Variants in UBE2F observed in about 807,000 individuals in gnomAD.
UBE2F encodes ubiquitin conjugating enzyme E2 F (putative).
Under a neutral mutation model 29.6 loss-of-function variants are expected in UBE2F, and 5 were observed. That is an observed-to-expected ratio of 0.17 (90% confidence interval 0.09 to 0.36). UBE2F has a LOEUF of 0.36. Among genes scored for constraint, UBE2F ranks in the 10% least tolerant of loss-of-function variants. The probability of loss-of-function intolerance (pLI) is 1.00; values close to 1 mark genes in which losing one functional copy is unlikely to be tolerated. For missense variants in UBE2F, 141 were observed against 228.5 expected (o/e 0.62, Z 2.47); for synonymous variants, 66 against 81.8 (o/e 0.81, Z 1.04).
intron 9 of UBE2F, 89 bp downstream of exon 9, chr2:238,036,029 TCCA>T (rs2064700278): frequency 4.9e-6 from 6 of 1,218,764 alleles, no homozygotes; most frequent in Non-Finnish European, 7.2e-6. Flanking sequence ...GAGAAATTTA[TCCA>T]CCAAGAGAGT....
At chr2:238,023,013 G>A (rs1448663354) in intron 5 of UBE2F, among the ~76,000 whole-genome samples, 2 of 152,220 alleles carry the variant, frequency 1.3e-5, no homozygotes. Context: ...GAGGAAGGGC[G>A]AATACCCGCA....
intron 3 of UBE2F, among the ~76,000 whole-genome samples, chr2:237,993,111 C>T (rs140350124): frequency 0.026 from 4,024 of 151,930 alleles, 168 homozygotes; most frequent in African/African-American, 0.093. Context: ...CCTCAGCCTC[C>T]CAAGTAGCTG....
rs1162304454 is a variant in UBE2F, at chr2:238,022,175, C to CTTTTTT, written c.283-3161_283-3156dup. 1.9e-3 allele frequency among the ~76,000 whole-genome samples: 121 copies of CTTTTTT among 63,330 alleles called. 4 individuals are homozygous for CTTTTTT. Among genetic ancestry groups the CTTTTTT allele is most frequent in the African/African-American group, 4.6e-3 (111 of 24,014 alleles). The allele number at this position is 63,330 out of a possible 152,430, so 41.5% of individuals were successfully genotyped here. A position where few individuals can be genotyped will look rare whatever the true frequency, so the allele number is the denominator to read the frequency against. On this transcript the variant is annotated intron_variant, in intron 5 of 9. Coordinates refer to ENST00000272930, the MANE Select transcript of UBE2F (RefSeq NM_080678.3). ...ATTTCTTTTTCTTTTCTTTTCTTTTCTTTTTTTTTTTGGAGACAGAGTCTT... is the reference window on the plus strand; with the variant it reads ...ATTTCTTTTTCTTTTCTTTTCTTTTCTTTTTTTTTTTTTTTTTGGAGACAGAGTCTT...
At chr2:237,983,839 G>C (rs978700446) in intron 2 of UBE2F, among the ~76,000 whole-genome samples, 2 of 152,082 alleles carry the variant, frequency 1.3e-5, no homozygotes, top group Non-Finnish European at 2.9e-5. Context: ...CATCCCCGAT[G>C]GCTGTCCTGC....
Position 237,973,099 on chromosome 2 carries a change from G to T in UBE2F, c.-9G>T. 1 of 1,608,392 alleles carries T rather than the reference G, an allele frequency of 6.2e-7. No homozygotes were observed. Reference sequence around the variant, plus strand: ...TTCATTGCTGTCTTTCAGGGTAAAGGCAGCAGTAATGCTAACGCTAGCAAG... The same window carrying T: ...TTCATTGCTGTCTTTCAGGGTAAAGTCAGCAGTAATGCTAACGCTAGCAAG... On this transcript the variant is annotated 5_prime_UTR_variant, in exon 2 of 10. Transcript: ENST00000272930.
chr2:238,011,102 G>A (rs1050986737), intron 4 of UBE2F, among the ~76,000 whole-genome samples: 22 of 152,070 alleles, frequency 1.4e-4, no homozygotes, highest in African/African-American at 4.3e-4. Context: ...CCTGCTCTGC[G>A]ATCCATTTAT....
chr2:237,990,744 G>A (rs909445952), intron 3 of UBE2F, among the ~76,000 whole-genome samples: 1 of 150,886 alleles, frequency 6.6e-6, no homozygotes, highest in African/African-American at 2.4e-5. Flanking sequence ...CTGGGCGACA[G>A]AGTGAGACTC....
intron 2 of UBE2F, among the ~76,000 whole-genome samples, chr2:237,987,255 T>C (rs2063496894): frequency 1.3e-5 from 2 of 152,178 alleles, no homozygotes; most frequent in African/African-American, 4.8e-5. Context: ...TGGGTGTGTG[T>C]GTGGGGAAGG....
chr2:238,023,748 G>A (rs11678880), intron 5 of UBE2F, among the ~76,000 whole-genome samples: 44,855 of 152,132 alleles, frequency 0.29, 8,234 homozygotes, highest in Admixed American at 0.41. Flanking sequence ...TATTAACCAA[G>A]GGGACCTTTC....
intron 3 of UBE2F, chr2:237,990,336 C>T: frequency 2.3e-6 from 1 of 436,288 alleles, no homozygotes; most frequent in East Asian, 7.5e-5. Context: ...AAAATAATCC[C>T]TCTGCTTTCC....
chr2:237,992,809 A>G (rs536138727), intron 3 of UBE2F, among the ~76,000 whole-genome samples: 22 of 152,356 alleles, frequency 1.4e-4, no homozygotes, highest in African/African-American at 5.3e-4. Flanking sequence ...CTCTGAGTAG[A>G]AATTTGAATT....
At chr2:238,021,127 C>T (rs2064282592) in intron 5 of UBE2F, among the ~76,000 whole-genome samples, 1 of 152,212 alleles carries the variant, frequency 6.6e-6, no homozygotes, top group Non-Finnish European at 1.5e-5. Context: ...GATTACAGCT[C>T]TTTGTTCTTG....
intron 8 of UBE2F, among the ~76,000 whole-genome samples, chr2:238,032,887 G>T: frequency 6.6e-6 from 1 of 152,196 alleles, no homozygotes. Flanking sequence ...AGGGGACTTT[G>T]GAGTGACATG....
At chr2:238,012,753 C>T (rs920692999) in intron 4 of UBE2F, among the ~76,000 whole-genome samples, 2 of 152,158 alleles carry the variant, frequency 1.3e-5, no homozygotes, top group African/African-American at 2.4e-5. Context: ...ATAGGTGAGA[C>T]GTGGAACTGG....
chr2:237,973,036 T>C (rs1274388114), intron 1 of UBE2F, 56 bp from the exon 2 acceptor site: 35 of 1,525,756 alleles, frequency 2.3e-5, no homozygotes, highest in Non-Finnish European at 2.8e-5. Flanking sequence ...TTTCTCAGTG[T>C]CTAATTAGTC....
chr2:237,999,885 C>T (rs868750376), intron 4 of UBE2F, among the ~76,000 whole-genome samples: 56 of 144,440 alleles, frequency 3.9e-4, no homozygotes, highest in Admixed American at 3.5e-3. Context: ...AGTGCAGTGG[C>T]GCGATCTCAG....
chr2:237,998,472 TG>T (rs2063729957), intron 4 of UBE2F, among the ~76,000 whole-genome samples: 1 of 152,238 alleles, frequency 6.6e-6, no homozygotes. Flanking sequence ...ACATGTTGTG[TG>T]AATCAGTAGT....
chr2:238,005,241 G>A (rs182653386), intron 4 of UBE2F, among the ~76,000 whole-genome samples: 85 of 152,240 alleles, frequency 5.6e-4, no homozygotes, highest in Non-Finnish European at 7.9e-4. Context: ...TGTTGCCCCA[G>A]CTGGAATGCA....
intron 4 of UBE2F, chr2:238,003,277 T>C: frequency 2.2e-6 from 1 of 455,804 alleles, no homozygotes; most frequent in Non-Finnish European, 4.6e-6. Flanking sequence ...AGAAATGTGA[T>C]GTTAGCTCTT....
Sources: gnomAD v4.1 joint callset for allele counts (sites outside exome capture counted in the v4.1 genomes callset) on GRCh38, gnomAD v4.1.1 for gene constraint, MANE v1.5 for transcripts, NCBI Gene and HGNC (gene_info 2026-07-23, HGNC 2026-07-21) for gene names.